The following MYO7B variants were observed in gnomAD, a reference collection of about 807,000 sequenced individuals.
MYO7B encodes the protein myosin VIIB, also known as unconventional myosin-VIIb.
In MYO7B, 212 loss-of-function variants were observed where a neutral mutation model predicts 259.7. The ratio of observed to expected loss-of-function variants is 0.82; its 90% confidence interval spans 0.73 to 0.91. MYO7B has a LOEUF of 0.91. Ranked by LOEUF, MYO7B falls within the 40% of genes least tolerant of loss-of-function variation. The pLI, the probability that MYO7B is intolerant of heterozygous loss-of-function variation, is 0.00. For synonymous variants in MYO7B, 1,197 were observed against 1,166.4 expected, an observed-to-expected ratio of 1.03 and a Z score of -0.54; for missense variants, 2,732 against 2,813.5, an observed-to-expected ratio of 0.97 and a Z score of 0.66.
intron 15 of MYO7B, among the ~76,000 whole-genome samples, chr2:127,589,577 A>G (rs1455497514): frequency 2.2e-5 from 2 of 90,790 alleles, no homozygotes; most frequent in Middle Eastern, 0.013. Context: ...GGTGGTGAGT[A>G]GGTGGATGGA....
chr2:127,544,947 G>A (rs1693162722), intron 1 of MYO7B, among the ~76,000 whole-genome samples: 2 of 151,872 alleles, frequency 1.3e-5, no homozygotes, highest in African/African-American at 4.8e-5. Context: ...GGATGGTCTC[G>A]ATCTCCTGAC....
chr2:127,585,031 TG>T lies in MYO7B; in HGVS notation c.1690+119del. The T allele has an allele frequency of 2.3e-6, 3 of 1,312,976 alleles. No homozygotes were observed. Among genetic ancestry groups the T allele is most frequent in the Non-Finnish European group, 3.2e-6 (3 of 939,428 alleles). 81.3% of individuals were successfully genotyped at this position (1,312,976 alleles called of 1,614,324 possible). ...CAGCTCTAGCAATGGGGCAGAGGGA[TG>T]AGTAGTATGGCTTCTACTGGAGAAA... On this transcript the variant is annotated intron_variant, in intron 14 of 47. Transcript: ENST00000409816. This position sits in a 1 kb window ranked among gnomAD's most constrained non-coding sequence, Gnocchi z 4.3.
chr2:127,589,346 G>C (rs993329795), intron 15 of MYO7B, among the ~76,000 whole-genome samples: 1 of 150,554 alleles, frequency 6.6e-6, no homozygotes. Flanking sequence ...TGAGTGGATG[G>C]ATGGATGGGT....
At chr2:127,544,835 C>T (rs1293411983) in intron 1 of MYO7B, among the ~76,000 whole-genome samples, 1 of 152,096 alleles carries the variant, frequency 6.6e-6, no homozygotes, top group African/African-American at 2.4e-5. Context: ...CCGCCTCGGC[C>T]TCCCAAAGTA....
chr2:127,635,132 C>G lies in MYO7B; in HGVS notation c.5726C>G (p.Thr1909Arg). ...GGCCCTCGCCCAGGGGCCCCCGTGACGCTCCCCTACCAGGTGTACTTCATG... is the reference window on the plus strand; with the variant it reads ...GGCCCTCGCCCAGGGGCCCCCGTGAGGCTCCCCTACCAGGTGTACTTCATG... ...NKPQKEGAPV[T>R]LPYQVYFMRK... Residue 1909 changes from threonine (T) to arginine (R), a missense_variant, in exon 43 of 48, where the codon ACG (threonine) becomes AGG (arginine). Coordinates refer to ENST00000409816, the MANE Select transcript of MYO7B (RefSeq NM_001393586.1). 6.2e-7 allele frequency: 1 copy of G among 1,612,594 alleles called. No homozygotes were observed. The highest frequency in any genetic ancestry group is 1.1e-5 in the South Asian group (1 of 90,878).
At position 127,631,528 on chromosome 2, in the gene MYO7B, C is replaced by T. The variant is rs1366129928; in HGVS notation, c.5096-72C>T. On this transcript the variant is annotated intron_variant, in intron 37 of 47. Coordinates refer to ENST00000409816, the MANE Select transcript of MYO7B (RefSeq NM_001393586.1). The stretch of plus-strand genomic sequence containing the variant: ...ACATGGCTCACCGCAGGGCCGGGGT[C>T]GGGGTCAGCGTCTATCCCCAGTCTG... The T allele has an allele frequency of 1.3e-5, 21 of 1,558,596 alleles. No homozygotes were observed. In the East Asian group the frequency reaches 1.4e-4, roughly 10 times the overall value.
At chr2:127,574,155 T>C in intron 7 of MYO7B, 93 bp downstream of exon 7, 4 of 1,507,280 alleles carry the variant, frequency 2.7e-6, no homozygotes, top group Non-Finnish European at 3.6e-6. Flanking sequence ...CCTCCCCTCT[T>C]CCCCAAGGGC....
In MYO7B at chr2:127,592,800, G is replaced by C. The variant is rs1406541230; in HGVS notation, c.1999G>C (p.Asp667His). ...GCCCGGTGTCCGCCCACAGCTGTTCGACCGGGAGCTGTGCCTGCGGCAGCT... is the reference window on the plus strand; with the variant it reads ...GCCCGGTGTCCGCCCACAGCTGTTCCACCGGGAGCTGTGCCTGCGGCAGCT... ...PNEYKKPLLF[D>H]RELCLRQLRY... The change falls in exon 17 of 48, where the codon GAC (aspartate) becomes CAC (histidine). Residue 667 changes from aspartate (D) to histidine (H), a missense_variant. Asp to His is a moderately conservative substitution (Grantham distance 81). This residue lies in a region of MYO7B where 1,906 missense variants were observed against 2,026.4 expected (regional missense o/e 0.94). Transcript: ENST00000409816. 2 of 1,609,702 alleles carry C rather than the reference G, an allele frequency of 1.2e-6. No homozygotes were observed. The highest frequency in any genetic ancestry group is 1.7e-6 in the Non-Finnish European group (2 of 1,178,722).
chr2:127,603,961 A>G (rs917070718), intron 19 of MYO7B, among the ~76,000 whole-genome samples: 15 of 151,820 alleles, frequency 9.9e-5, no homozygotes, highest in Admixed American at 3.9e-4. Flanking sequence ...GTGAAACCCC[A>G]TCTCTACTAA....
rs1029941723 is a variant in MYO7B at position 127,590,824 on chromosome 2, A to C, written c.1992+595A>C. Among the ~76,000 whole-genome samples, 4 of 152,236 alleles carry C rather than the reference A, an allele frequency of 2.6e-5. No homozygotes were observed. The highest frequency in any genetic ancestry group is 9.6e-5 in the African/African-American group (4 of 41,470). On this transcript the variant is annotated intron_variant, in intron 16 of 47. Coordinates refer to ENST00000409816, the MANE Select transcript of MYO7B (RefSeq NM_001393586.1). This position sits in a 1 kb window ranked among gnomAD's most constrained non-coding sequence, Gnocchi z 4.6. ...AGGAGACATCAGCTGAAACAATATAAAATGGTTTTATCCCCATAAGGGAAT... is the reference window on the plus strand; with the variant it reads ...AGGAGACATCAGCTGAAACAATATACAATGGTTTTATCCCCATAAGGGAAT...
intron 34 of MYO7B, among the ~76,000 whole-genome samples, chr2:127,629,200 C>T (rs1301797856): frequency 4.6e-5 from 7 of 152,166 alleles, no homozygotes; most frequent in Non-Finnish European, 1.0e-4. Context: ...AAATGTCAGC[C>T]GAGATGTGCT....
chr2:127,604,383 G>C (rs1292232044), intron 19 of MYO7B, among the ~76,000 whole-genome samples: 2 of 152,170 alleles, frequency 1.3e-5, no homozygotes, highest in Non-Finnish European at 2.9e-5. Context: ...CTTGCTCTGG[G>C]TTGGGCTTTG....
Position 127,628,360 on chromosome 2 carries a change from C to A in MYO7B, c.4461-12C>A. The A allele has an allele frequency of 6.3e-7, 1 of 1,594,796 alleles. No homozygotes were observed. The highest frequency in any genetic ancestry group is 1.1e-5 in the South Asian group (1 of 87,234). Reference sequence around the variant, plus strand: ...GGAGGGGGCTCCTGGTCACGCTGTCCTTCATCTCCAGGGAGGCCCAGGGCG... The same window carrying A: ...GGAGGGGGCTCCTGGTCACGCTGTCATTCATCTCCAGGGAGGCCCAGGGCG... On this transcript the variant is annotated splice_polypyrimidine_tract_variant and intron_variant, in intron 33 of 47. Transcript: ENST00000409816. The surrounding 1 kb of genome is among the most constrained non-coding windows in gnomAD (Gnocchi z 4.8).
At chr2:127,536,399 G>A (rs994540863) in intron 1 of MYO7B, among the ~76,000 whole-genome samples, 1 of 151,592 alleles carries the variant, frequency 6.6e-6, no homozygotes, top group South Asian at 2.1e-4. Context: ...TGTACCTTGG[G>A]CAATTGGCTT....
chr2:127,610,602 TC>T (rs1268812970), intron 24 of MYO7B, among the ~76,000 whole-genome samples: 1 of 152,246 alleles, frequency 6.6e-6, no homozygotes, highest in Non-Finnish European at 1.5e-5. Context: ...CTTCCTAAGG[TC>T]CATTTCCATG....
At chr2:127,545,373 C>A (rs1371043539) in intron 1 of MYO7B, among the ~76,000 whole-genome samples, 1 of 152,238 alleles carries the variant, frequency 6.6e-6, no homozygotes, top group African/African-American at 2.4e-5. Context: ...GGTGGGCCCA[C>A]TGTGCTGCCC....
At chr2:127,617,663 C>G (rs1445244621) in intron 26 of MYO7B, among the ~76,000 whole-genome samples, 1 of 149,784 alleles carries the variant, frequency 6.7e-6, no homozygotes, top group East Asian at 1.9e-4. Context: ...CCACCGCGCC[C>G]GGCTAATTTT....
At chr2:127,564,321 T>C (rs2104863719) in intron 3 of MYO7B, 55 bp downstream of exon 3, 1 of 1,354,644 alleles carries the variant, frequency 7.4e-7, no homozygotes, top group African/African-American at 1.4e-5. Context: ...TCCAGGGCCC[T>C]GGAGCCCTCC....
At chr2:127,616,928 C>T (rs1680590779) in intron 26 of MYO7B, among the ~76,000 whole-genome samples, 1 of 152,158 alleles carries the variant, frequency 6.6e-6, no homozygotes, top group Non-Finnish European at 1.5e-5. Flanking sequence ...GGAGGGGAAC[C>T]GTGTTATAAG....
Sources: gnomAD v4.1 joint callset for allele counts (sites outside exome capture counted in the v4.1 genomes callset) on GRCh38, gnomAD v4.1.1 for gene constraint, gnomAD v4.1.1 regional missense constraint, Gnocchi (gnomAD v3.1) non-coding constraint, MANE v1.5 for transcripts, NCBI Gene and HGNC (gene_info 2026-07-23, HGNC 2026-07-21) for gene names.